The following THBS1 variants were observed in gnomAD, a reference collection of about 807,000 sequenced individuals.
THBS1 encodes the protein thrombospondin-1.
THBS1 carries 29 observed loss-of-function variants against 126.1 expected under a neutral mutation model. That is an observed-to-expected ratio of 0.23 (90% CI 0.17 to 0.31). The LOEUF (loss-of-function observed/expected upper bound fraction) is 0.31, where lower values mean the gene tolerates loss of function less well. Among genes scored for constraint, THBS1 ranks in the 10% least tolerant of loss-of-function variants. THBS1 has a pLI of 1.00. For missense variants in THBS1, 1,198 were observed against 1,545.2 expected, an observed-to-expected ratio of 0.78 and a Z score of 3.77; for synonymous variants, 496 against 577.8, an observed-to-expected ratio of 0.86 and a Z score of 2.03.
intron 6 of THBS1, among the ~76,000 whole-genome samples, 153 bp from the exon 7 acceptor site, chr15:39,585,317 A>G (rs1288166673): frequency 6.6e-6 from 1 of 152,250 alleles, no homozygotes; most frequent in African/African-American, 2.4e-5. Flanking sequence ...TGGTGGCTGC[A>G]AATATGACAG....
chr15:39,591,711 C>A, intron 16 of THBS1, 88 bp downstream of exon 16: 1 of 1,207,092 alleles, frequency 8.3e-7, no homozygotes, highest in Non-Finnish European at 1.2e-6. Flanking sequence ...TAACAAAGTT[C>A]AAACACTTTC....
Position 39,594,015 on chromosome 15 carries a change from T to C in THBS1, c.3268-84T>C. ...CTAACTTAGATCAGCTCAGTACCTT[T>C]CAAGCATTGTTTCTGATGGAATGAA... On this transcript the variant is annotated intron_variant, in intron 19 of 21. Transcript: ENST00000260356. The surrounding 1 kb of genome is among the most constrained non-coding windows in gnomAD (Gnocchi z 4.4). The C allele has an allele frequency of 2.1e-6, 3 of 1,415,596 alleles. No homozygotes were observed. In the Admixed American group the frequency reaches 6.4e-5, roughly 30 times the overall value. 87.7% of individuals were successfully genotyped at this position (1,415,596 alleles called of 1,614,324 possible). A position where few individuals can be genotyped will look rare whatever the true frequency, so the allele number is the denominator to read the frequency against.
At chr15:39,583,965 GT>G (rs1288575317) in intron 4 of THBS1, 22 bp from the exon 5 acceptor site, 1 of 1,613,450 alleles carries the variant, frequency 6.2e-7, no homozygotes, top group African/African-American at 1.3e-5. Flanking sequence ...TCTATTTGAA[GT>G]TTTCATTTTG....
At position 39,581,994 on chromosome 15, in the gene THBS1, C is replaced by T. The variant is rs2236741; in HGVS notation, c.67+70C>T. The T allele has an allele frequency of 6.0e-3, 9,270 of 1,536,096 alleles. 619 individuals carry two copies. In the East Asian group the frequency reaches 0.16, roughly 27 times the overall value. ...GGTGCTGGCTATCCCAGGTGTGCCC[C>T]CTCACGTGCTGTCCTCTCCCTCTTG... On this transcript the variant is annotated intron_variant, in intron 2 of 21. Transcript: ENST00000260356.
At chr15:39,583,559 C>A in intron 3 of THBS1, 58 bp from the exon 4 acceptor site, 3 of 1,182,674 alleles carry the variant, frequency 2.5e-6, no homozygotes, top group East Asian at 2.4e-5. Flanking sequence ...CAGTCTCCCC[C>A]AACCCCATCC....
intron 4 of THBS1, 103 bp from the exon 5 acceptor site, chr15:39,583,885 A>G: frequency 2.1e-6 from 3 of 1,422,632 alleles, no homozygotes; most frequent in Non-Finnish European, 2.9e-6. Context: ...CAACCCCTCT[A>G]CCTGCATCCT....
intron 7 of THBS1, among the ~76,000 whole-genome samples, chr15:39,586,346 C>T (rs1416278906): frequency 2.0e-5 from 3 of 152,236 alleles, no homozygotes; most frequent in East Asian, 1.9e-4. Context: ...TTTTCTGTTC[C>T]GCATTCACTT....
Position 39,589,707 on chromosome 15 carries a change from T to C in THBS1, c.1927-98T>C. On this transcript the variant is annotated intron_variant, in intron 12 of 21. Transcript: ENST00000260356. The surrounding 1 kb of genome is among the most constrained non-coding windows in gnomAD (Gnocchi z 4.7). The stretch of plus-strand genomic sequence containing the variant: ...AACCCACACTCTTCCAAATGGAGCC[T>C]CTGTCTACTCAGAGATGACAGGGAT... The C allele has an allele frequency of 7.8e-7, 1 of 1,283,874 alleles. No homozygotes were observed. The highest frequency in any genetic ancestry group is 1.0e-6 in the Non-Finnish European group (1 of 952,484). The allele number at this position is 1,283,874 out of a possible 1,614,324, so 79.5% of individuals were successfully genotyped here.
chr15:39,589,411 A>G lies in THBS1; in HGVS notation c.1926+57A>G. ...CAGGAGAGCTGTCCTTGACCAAAATAACTGGGAGCGGGAGGAATGTAATTT... is the reference window on the plus strand; with the variant it reads ...CAGGAGAGCTGTCCTTGACCAAAATGACTGGGAGCGGGAGGAATGTAATTT... On this transcript the variant is annotated intron_variant, in intron 12 of 21. Transcript: ENST00000260356. The surrounding 1 kb of genome is among the most constrained non-coding windows in gnomAD (Gnocchi z 4.7). 1 of 1,593,738 alleles carries G rather than the reference A, an allele frequency of 6.3e-7. No individual in the cohort carries two copies. Among genetic ancestry groups the G allele is most frequent in the Non-Finnish European group, 8.6e-7 (1 of 1,168,544 alleles).
intron 1 of THBS1, 40 bp from the exon 2 acceptor site, chr15:39,581,789 G>A: frequency 1.4e-6 from 2 of 1,399,504 alleles, no homozygotes; most frequent in Non-Finnish European, 1.0e-6. Context: ...TCCCTGCCTA[G>A]CTGATCTCTG....
chr15:39,581,970 G>C, intron 2 of THBS1, 46 bp downstream of exon 2: 1 of 1,603,224 alleles, frequency 6.2e-7, no homozygotes, highest in Non-Finnish European at 8.5e-7. Flanking sequence ...CAAGGAAGAG[G>C]TGCTGGCTAT....
In THBS1 at chr15:39,589,388, G is replaced by C; in HGVS notation, c.1926+34G>C. 1 of 1,611,594 alleles carries C rather than the reference G, an allele frequency of 6.2e-7. No homozygotes were observed. The highest frequency in any genetic ancestry group is 8.5e-7 in the Non-Finnish European group (1 of 1,178,954). On this transcript the variant is annotated intron_variant, in intron 12 of 21. Transcript: ENST00000260356. This position sits in a 1 kb window ranked among gnomAD's most constrained non-coding sequence, Gnocchi z 4.7. ...AACTAGACGAGTAAACCAGAGGACA[G>C]GAGAGCTGTCCTTGACCAAAATAAC...
chr15:39,584,704 G>A (rs191136604), intron 6 of THBS1, among the ~76,000 whole-genome samples: 46 of 152,080 alleles, frequency 3.0e-4, no homozygotes, highest in African/African-American at 1.0e-3. Context: ...AAGACTAAGT[G>A]TTGAATGTCA....
Position 39,593,459 on chromosome 15 carries a change from G to T in THBS1, c.3058G>T (p.Asp1020Tyr), listed in dbSNP as rs767595971. 6.2e-7 allele frequency: 1 copy of T among 1,614,096 alleles called. No individual in the cohort carries two copies. Among genetic ancestry groups the T allele is most frequent in the Non-Finnish European group, 8.5e-7 (1 of 1,180,016 alleles). ...CTTCTTCATCAACACCGAAAGGGAC[G>T]ATGACTATGCTGGATTTGTCTTTGG... ...GTFFINTERDDDYAGFVFGYQ... is the reference protein window; with the variant it reads ...GTFFINTERDYDYAGFVFGYQ... Residue 1020 changes from aspartate to tyrosine, a missense_variant, in exon 19 of 22, where the codon GAT becomes TAT. Around this residue, in one of 4 missense-constraint regions of THBS1, gnomAD observed 255 missense variants for 373.9 expected, o/e 0.68. Transcript: ENST00000260356. This position sits in a 1 kb window ranked among gnomAD's most constrained non-coding sequence, Gnocchi z 5.9.
chr15:39,587,242 T>C (rs1309115093), intron 7 of THBS1, 105 bp from the exon 8 acceptor site: 2 of 1,116,854 alleles, frequency 1.8e-6, no homozygotes, highest in African/African-American at 3.1e-5. Flanking sequence ...GAAATAAATA[T>C]ATTGCTTTTC....
chr15:39,582,799 C>CT (rs764491108), intron 3 of THBS1, 47 bp downstream of exon 3: 350 of 1,545,406 alleles, frequency 2.3e-4, no homozygotes, highest in Non-Finnish European at 2.9e-4. Context: ...ATCTGCTAGA[C>CT]AGGTGACCTG....
In THBS1 at chr15:39,582,315, G is replaced by T. The variant is rs754431502; in HGVS notation, c.190G>T (p.Ala64Ser). Residue 64 changes from alanine to serine, a missense_variant, in exon 3 of 22, where the codon GCC becomes TCC. Physicochemically the swap from Ala to Ser is moderately conservative, Grantham distance 99 (BLOSUM62 1). This residue lies in a region of THBS1 where 271 missense variants were observed against 277.0 expected (regional missense o/e 0.98). Transcript: ENST00000260356. ...PSSPAFRIED[A>S]NLIPPVPDDK... Reference sequence around the variant, plus strand: ...CAGCCCAGCTTTCCGCATCGAGGATGCCAACCTGATCCCCCCTGTGCCTGA... The same window carrying T: ...CAGCCCAGCTTTCCGCATCGAGGATTCCAACCTGATCCCCCCTGTGCCTGA... 1 of 1,614,240 alleles carries T rather than the reference G, an allele frequency of 6.2e-7. No homozygotes were observed. Among genetic ancestry groups the T allele is most frequent in the Admixed American group, 1.7e-5 (1 of 60,030 alleles).
rs759869810 is a variant in THBS1, at chr15:39,582,359, G to A, written c.234G>A (p.Leu78=). ...TGCCTGATGACAAGTTCCAAGACCT[G>A]GTGGATGCTGTGCGGGCAGAAAAGG... ...PPVPDDKFQD[L]VDAVRAEKGF... Residue 78 remains leucine (L), a synonymous_variant, in exon 3 of 22, where the codon CTG becomes CTA. Coordinates refer to ENST00000260356, the MANE Select transcript of THBS1 (RefSeq NM_003246.4). The A allele has an allele frequency of 9.3e-6, 15 of 1,614,224 alleles. No homozygotes were observed. The South Asian group carries it at 1.6e-4, about 18-fold the overall frequency.
At chr15:39,587,880 T>C (rs1164963304) in intron 8 of THBS1, among the ~76,000 whole-genome samples, 162 bp from the exon 9 acceptor site, 1 of 152,224 alleles carries the variant, frequency 6.6e-6, no homozygotes, top group East Asian at 1.9e-4. Context: ...AAACATTCCA[T>C]GTTGACATTT....
Sources: allele counts gnomAD v4.1 joint callset (sites outside exome capture counted in the v4.1 genomes callset), GRCh38; gene constraint gnomAD v4.1.1; regional missense constraint gnomAD v4.1.1; non-coding constraint Gnocchi (gnomAD v3.1); transcripts MANE v1.5; gene names NCBI Gene and HGNC (gene_info 2026-07-23, HGNC 2026-07-21).